The following SMAP2 variants were observed in gnomAD, a reference collection of about 807,000 sequenced individuals.
The protein encoded by SMAP2 is small ArfGAP2, also known as stromal membrane-associated protein 2.
In SMAP2, 25 loss-of-function variants were observed where a neutral mutation model predicts 56.4. That is an observed-to-expected ratio of 0.44 (90% CI 0.32 to 0.62). SMAP2 has a LOEUF of 0.62. Ranked by LOEUF, SMAP2 falls within the 20% of genes least tolerant of loss-of-function variation. The probability of loss-of-function intolerance (pLI) is 0.04; values close to 1 mark genes in which losing one functional copy is unlikely to be tolerated. For missense variants in SMAP2, 388 were observed against 545.6 expected, an observed-to-expected ratio of 0.71 and a Z score of 2.88; for synonymous variants, 157 against 181.7, an observed-to-expected ratio of 0.86 and a Z score of 1.09.
chr1:40,392,824 G>C (rs1222882519), intron 1 of SMAP2, among the ~76,000 whole-genome samples: 1 of 152,068 alleles, frequency 6.6e-6, no homozygotes, highest in Non-Finnish European at 1.5e-5. Flanking sequence ...ATTAGGCCGG[G>C]CTCAGTGGCT....
chr1:40,353,022 C>G (rs1644416897), intron 1 of SMAP2, among the ~76,000 whole-genome samples: 1 of 152,164 alleles, frequency 6.6e-6, no homozygotes, highest in African/African-American at 2.4e-5. Context: ...ACCATGGACT[C>G]TATGGCAGAC....
At chr1:40,388,671 C>T (rs1322718751) in intron 1 of SMAP2, among the ~76,000 whole-genome samples, 1 of 152,194 alleles carries the variant, frequency 6.6e-6, no homozygotes, top group Non-Finnish European at 1.5e-5. Context: ...TCCGCTCTAC[C>T]AATCAGCAGG....
chr1:40,393,440 AT>A (rs1644736741), intron 1 of SMAP2: 1 of 1,535,272 alleles, frequency 6.5e-7, no homozygotes, highest in Admixed American at 2.0e-5. Context: ...GCAGAGCAAG[AT>A]TTGCACAAAA....
rs61781582 is a variant in SMAP2, at chr1:40,408,965, C to T, written c.323+227C>T. Among the ~76,000 whole-genome samples, 4 of 152,336 alleles carry T rather than the reference C, an allele frequency of 2.6e-5. No individual in the cohort carries two copies. Among genetic ancestry groups the T allele is most frequent in the Non-Finnish European group, 5.9e-5 (4 of 68,026 alleles). ...AAGAAGACTCACTCTGGAATTAAGA[C>T]TGCAGTGATTTCACTGTGAATTCTT... On this transcript the variant is annotated intron_variant, in intron 3 of 9. Coordinates refer to ENST00000372718, the MANE Select transcript of SMAP2 (RefSeq NM_022733.3). This position sits in a 1 kb window ranked among gnomAD's most constrained non-coding sequence, Gnocchi z 4.3.
chr1:40,406,216 A>G (rs1311975517), intron 1 of SMAP2, among the ~76,000 whole-genome samples: 1 of 152,220 alleles, frequency 6.6e-6, no homozygotes, highest in Non-Finnish European at 1.5e-5. Flanking sequence ...AGAATATGAC[A>G]TGGCTTTGCA....
chr1:40,390,918 A>G (rs1320787919), intron 1 of SMAP2, among the ~76,000 whole-genome samples: 1 of 152,240 alleles, frequency 6.6e-6, no homozygotes, highest in Non-Finnish European at 1.5e-5. Context: ...CAAAATTGAC[A>G]TATTCTTATG....
At chr1:40,412,866 A>C in intron 4 of SMAP2, 150 bp from the exon 5 acceptor site, 1 of 604,068 alleles carries the variant, frequency 1.7e-6, no homozygotes, top group East Asian at 3.0e-5. Flanking sequence ...CTCATGCTCC[A>C]CACCAAGACA....
intron 1 of SMAP2, among the ~76,000 whole-genome samples, chr1:40,378,796 T>C (rs1644566264): frequency 6.6e-6 from 1 of 152,224 alleles, no homozygotes; most frequent in African/African-American, 2.4e-5. Context: ...TTCCAACTCC[T>C]ATATTTTTAA....
At chr1:40,363,126 A>G (rs1644466334) in intron 2 of SMAP2, among the ~76,000 whole-genome samples, 1 of 152,214 alleles carries the variant, frequency 6.6e-6, no homozygotes, top group South Asian at 2.1e-4. Flanking sequence ...TACAAAGCAC[A>G]ACTGTCAATA....
At chr1:40,360,968 G>A (rs1644457409) in intron 1 of SMAP2, among the ~76,000 whole-genome samples, 1 of 152,236 alleles carries the variant, frequency 6.6e-6, no homozygotes, top group African/African-American at 2.4e-5. Context: ...TGCTGGGCTT[G>A]AAGCCAGTGG....
upstream of SMAP2, among the ~76,000 whole-genome samples, chr1:40,371,298 G>A (rs539931641): frequency 6.6e-6 from 1 of 152,198 alleles, no homozygotes; most frequent in South Asian, 2.1e-4. Flanking sequence ...AAAAAAAAAT[G>A]TGTACTTGGG....
At chr1:40,416,662 G>A in intron 8 of SMAP2, 118 bp from the exon 9 acceptor site, 1 of 1,058,850 alleles carries the variant, frequency 9.4e-7, no homozygotes, top group Non-Finnish European at 1.4e-6. Flanking sequence ...TGTGTAAAGA[G>A]CATTGTGAGT....
At chr1:40,351,793 C>T (rs1009960584) in intron 1 of SMAP2, among the ~76,000 whole-genome samples, 10 of 152,112 alleles carry the variant, frequency 6.6e-5, no homozygotes, top group Middle Eastern at 3.4e-3. Flanking sequence ...TGAGCCACCG[C>T]GCTCAGCCTA....
At chr1:40,388,069 G>A (rs973532228) in intron 1 of SMAP2, among the ~76,000 whole-genome samples, 1 of 152,180 alleles carries the variant, frequency 6.6e-6, no homozygotes, top group African/African-American at 2.4e-5. Context: ...ATTTCTCACC[G>A]GGCCTTAGCT....
chr1:40,365,019 A>G, intron 2 of SMAP2: 1 of 225,104 alleles, frequency 4.4e-6, no homozygotes, highest in Non-Finnish European at 9.4e-6. Context: ...AGAAGGTGCT[A>G]TGTCTGGCTG....
chr1:40,405,012 G>A (rs1644872668), intron 1 of SMAP2, among the ~76,000 whole-genome samples: 2 of 152,174 alleles, frequency 1.3e-5, no homozygotes, highest in African/African-American at 2.4e-5. Context: ...AATTTCAGGC[G>A]GAGAGCACCA....
chr1:40,395,800 C>T (rs1045946804), intron 1 of SMAP2, among the ~76,000 whole-genome samples: 3 of 152,140 alleles, frequency 2.0e-5, no homozygotes, highest in African/African-American at 7.2e-5. Flanking sequence ...CCTAGTAGAC[C>T]TCAGTCTGCT....
At chr1:40,352,425 T>C (rs1272616709) in intron 1 of SMAP2, among the ~76,000 whole-genome samples, 8 of 152,218 alleles carry the variant, frequency 5.3e-5, no homozygotes, top group African/African-American at 1.9e-4. Flanking sequence ...TCCTCCTTGA[T>C]TGCTCGGAAA....
chr1:40,413,012 A>T lies in SMAP2; in HGVS notation c.403-4A>T, dbSNP rs367976366. ...GTGTTCTTTGTCTTGTTAAATCATT[A>T]TAGAAAGAAAAAGATGACAAGTGGA... On this transcript the variant is annotated splice_polypyrimidine_tract_variant and splice_region_variant and intron_variant, in intron 4 of 9. Transcript: ENST00000372718. The T allele has an allele frequency of 5.6e-6, 9 of 1,604,584 alleles. No homozygotes were observed. The African/African-American group carries it at 9.4e-5, about 17-fold the overall frequency.
Sources: gnomAD v4.1 joint callset for allele counts (sites outside exome capture counted in the v4.1 genomes callset) on GRCh38, gnomAD v4.1.1 for gene constraint, Gnocchi (gnomAD v3.1) non-coding constraint, MANE v1.5 for transcripts, NCBI Gene and HGNC (gene_info 2026-07-23, HGNC 2026-07-21) for gene names.